The following TNRC6B variants were observed in gnomAD, a reference collection of about 807,000 sequenced individuals.
TNRC6B encodes trinucleotide repeat containing adaptor 6B, also known as trinucleotide repeat-containing gene 6B protein.
A neutral mutation model predicts 203.6 loss-of-function variants in TNRC6B; 52 were observed. The ratio of observed to expected loss-of-function variants is 0.26; its 90% CI spans 0.20 to 0.32. The LOEUF is 0.32. Ranked by LOEUF, TNRC6B falls within the 10% of genes least tolerant of loss-of-function variation. TNRC6B has a pLI of 1.00. For missense variants in TNRC6B, 1,923 were observed against 2,286.2 expected (o/e 0.84, Z 3.24); for synonymous variants, 838 against 845.7 (o/e 0.99, Z 0.16).
At chr22:40,081,225 T>C (rs1823519026) in intron 1 of TNRC6B, among the ~76,000 whole-genome samples, 3 of 152,188 alleles carry the variant, frequency 2.0e-5, no homozygotes, top group East Asian at 1.9e-4. Flanking sequence ...CCCAGTGTTA[T>C]TCATTACACT....
intron 1 of TNRC6B, among the ~76,000 whole-genome samples, chr22:40,237,315 C>T (rs1286576130): frequency 6.6e-6 from 1 of 152,148 alleles, no homozygotes; most frequent in African/African-American, 2.4e-5. Context: ...AGCACATTTT[C>T]TGCCCTGAAG....
chr22:40,138,966 A>G (rs1277622293), intron 3 of TNRC6B, among the ~76,000 whole-genome samples: 2 of 152,164 alleles, frequency 1.3e-5, no homozygotes, highest in Non-Finnish European at 2.9e-5. Flanking sequence ...ATCCTATAAA[A>G]CTTACCCATT....
intron 1 of TNRC6B, among the ~76,000 whole-genome samples, chr22:40,231,767 T>C (rs2146450938): frequency 6.6e-6 from 1 of 152,300 alleles, no homozygotes; most frequent in East Asian, 1.9e-4. Flanking sequence ...GTTGATGAAA[T>C]TAGAGTGCAT....
chr22:40,047,447 CA>C (rs368631883), intron 1 of TNRC6B, among the ~76,000 whole-genome samples: 1 of 147,434 alleles, frequency 6.8e-6, no homozygotes, highest in Non-Finnish European at 1.5e-5. Flanking sequence ...ACTAAAAATA[CA>C]AAAAATTAGC....
chr22:40,291,840 C>G (rs747443903), intron 12 of TNRC6B, among the ~76,000 whole-genome samples: 5 of 152,130 alleles, frequency 3.3e-5, no homozygotes, highest in Non-Finnish European at 7.4e-5. Context: ...TTGATAAATA[C>G]CAGATTTTAT....
At chr22:40,053,510 A>G (rs919225736) in intron 1 of TNRC6B, among the ~76,000 whole-genome samples, 4 of 152,218 alleles carry the variant, frequency 2.6e-5, no homozygotes, top group African/African-American at 7.2e-5. Context: ...CACACAGGTG[A>G]AATGGTTAAT....
intron 1 of TNRC6B, among the ~76,000 whole-genome samples, chr22:40,074,103 G>T (rs1472029104): frequency 6.7e-6 from 1 of 150,308 alleles, no homozygotes; most frequent in Non-Finnish European, 1.5e-5. Flanking sequence ...GTGATGGCCT[G>T]TGCCTGTAGT....
intron 1 of TNRC6B, among the ~76,000 whole-genome samples, chr22:40,067,815 C>T (rs554443997): frequency 6.6e-6 from 1 of 152,146 alleles, no homozygotes; most frequent in Non-Finnish European, 1.5e-5. Flanking sequence ...GGGCAATAGT[C>T]TCACTCCCCG....
intron 1 of TNRC6B, among the ~76,000 whole-genome samples, chr22:40,206,944 G>A (rs6001835): frequency 0.39 from 58,580 of 152,038 alleles, 15,945 homozygotes; most frequent in African/African-American, 0.77. Flanking sequence ...AACATCGGAC[G>A]TTTATTCTCT....
upstream of TNRC6B, among the ~76,000 whole-genome samples, chr22:40,174,339 C>T (rs2069034967): frequency 6.6e-6 from 1 of 151,878 alleles, no homozygotes. Context: ...GCCACCATGC[C>T]CAGCTAATTT....
chr22:40,237,474 G>C (rs933820365), intron 1 of TNRC6B, among the ~76,000 whole-genome samples: 1 of 152,192 alleles, frequency 6.6e-6, no homozygotes, highest in Non-Finnish European at 1.5e-5. Context: ...AATACTGAGG[G>C]AACTGATGCG....
chr22:40,239,959 T>A (rs2070005681), intron 1 of TNRC6B, among the ~76,000 whole-genome samples: 1 of 152,102 alleles, frequency 6.6e-6, no homozygotes, highest in South Asian at 2.1e-4. Context: ...TGCCTCAGCC[T>A]CCCAAGCAGC....
At chr22:40,309,031 A>T (rs977559733) in intron 16 of TNRC6B, among the ~76,000 whole-genome samples, 1 of 152,186 alleles carries the variant, frequency 6.6e-6, no homozygotes. Context: ...GCTTTAAAAA[A>T]TTTTCCTGCC....
chr22:40,308,396 T>C (rs999155085), intron 15 of TNRC6B, 116 bp from the exon 16 acceptor site: 2 of 1,205,254 alleles, frequency 1.7e-6, no homozygotes, highest in Non-Finnish European at 1.2e-6. Flanking sequence ...TGTTTCTGAG[T>C]GGAGAAACTC....
chr22:40,302,560 G>T (rs978339591), intron 15 of TNRC6B, among the ~76,000 whole-genome samples: 2 of 151,746 alleles, frequency 1.3e-5, no homozygotes, highest in African/African-American at 4.9e-5. Context: ...TTGAACCCGG[G>T]AGACGGAGGT....
intron 1 of TNRC6B, among the ~76,000 whole-genome samples, chr22:40,217,650 G>A (rs535936722): frequency 1.4e-4 from 21 of 152,184 alleles, no homozygotes; most frequent in Non-Finnish European, 2.5e-4. Flanking sequence ...TAGTCTGTCT[G>A]AAAATAGTTT....
At chr22:40,300,832 T>G in intron 13 of TNRC6B, 78 bp from the exon 14 acceptor site, 2 of 1,405,868 alleles carry the variant, frequency 1.4e-6, no homozygotes, top group East Asian at 2.4e-5. Context: ...TGTACTTCAG[T>G]GCACAGACCC....
chr22:40,238,452 C>T (rs1401403916), intron 1 of TNRC6B, among the ~76,000 whole-genome samples: 1 of 152,102 alleles, frequency 6.6e-6, no homozygotes, highest in Non-Finnish European at 1.5e-5. Flanking sequence ...AAATGCATTC[C>T]CTGTAAGGAG....
At chr22:40,197,524 T>G (rs1204147687) in intron 1 of TNRC6B, among the ~76,000 whole-genome samples, 1 of 151,846 alleles carries the variant, frequency 6.6e-6, no homozygotes, top group Non-Finnish European at 1.5e-5. Context: ...CCTGACCTCA[T>G]GATCTACCCC....
Sources: allele counts gnomAD v4.1 joint callset (sites outside exome capture counted in the v4.1 genomes callset), GRCh38; gene constraint gnomAD v4.1.1; transcripts MANE v1.5; gene names NCBI Gene and HGNC (gene_info 2026-07-23, HGNC 2026-07-21).